Variants in SYN3 observed in about 807,000 individuals in gnomAD.
SYN3 encodes synapsin-3.
SYN3 carries 35 observed loss-of-function variants against 65.8 expected under a neutral mutation model. That is an observed-to-expected ratio of 0.53 (90% CI 0.41 to 0.70). The LOEUF is 0.70. Ranked by LOEUF, SYN3 falls within the 30% of genes least tolerant of loss-of-function variation. SYN3 has a pLI of 0.00. For synonymous variants in SYN3, 270 were observed against 292.9 expected, an observed-to-expected ratio of 0.92 and a Z score of 0.80; for missense variants, 680 against 749.0, an observed-to-expected ratio of 0.91 and a Z score of 1.08.
chr22:32,744,009 C>T (rs537256834), intron 6 of SYN3, among the ~76,000 whole-genome samples: 19 of 152,194 alleles, frequency 1.2e-4, no homozygotes, highest in African/African-American at 2.6e-4. Flanking sequence ...CCACACCAGC[C>T]GGGTGGAGGG....
chr22:32,565,122 C>T (rs541606290), intron 7 of SYN3, among the ~76,000 whole-genome samples: 3 of 150,638 alleles, frequency 2.0e-5, no homozygotes, highest in African/African-American at 2.4e-5. Context: ...ACAGTGCTCC[C>T]GGACTGCACC....
Position 32,528,510 on chromosome 22 carries a change from CT to C in SYN3, c.1230+363del, listed in dbSNP as rs2058019075. ...TGGTTCCCTGGGAGCACACAGAGGG[CT>C]TGTGTGTCCATATGCTCTCGCACAC... On this transcript the variant is annotated intron_variant, in intron 11 of 13. Transcript: ENST00000358763. Among the ~76,000 whole-genome samples, 10 of 152,194 alleles carry C rather than the reference CT, an allele frequency of 6.6e-5. No homozygotes were observed. In the South Asian group the frequency reaches 2.1e-3, roughly 32 times the overall value.
intron 7 of SYN3, among the ~76,000 whole-genome samples, chr22:32,542,946 C>G (rs375446309): frequency 9.9e-5 from 15 of 152,216 alleles, no homozygotes; most frequent in African/African-American, 3.4e-4. Flanking sequence ...TCCCCACTTC[C>G]CTGTCACCCT....
chr22:32,868,530 T>A (rs1298051216), intron 5 of SYN3, among the ~76,000 whole-genome samples: 1 of 151,854 alleles, frequency 6.6e-6, no homozygotes, highest in East Asian at 1.9e-4. Context: ...AACCTCCGCC[T>A]CCCGGGTTCA....
At chr22:32,564,953 CTGG>C (rs2146375311) in intron 7 of SYN3, among the ~76,000 whole-genome samples, 1 of 91,512 alleles carries the variant, frequency 1.1e-5, no homozygotes. Flanking sequence ...AACAGTGCTC[CTGG>C]ACTGCACCCA....
chr22:32,858,615 G>C (rs574162127), intron 6 of SYN3, among the ~76,000 whole-genome samples: 454 of 152,278 alleles, frequency 3.0e-3, no homozygotes, highest in African/African-American at 0.01. Context: ...CCCAAGTATA[G>C]GGCCAAGGTG....
Position 32,937,965 on chromosome 22 carries a change from C to G in SYN3, c.370-6484G>C, listed in dbSNP as rs1382454846. Among the ~76,000 whole-genome samples the G allele has an allele frequency of 2.0e-5, 3 of 151,996 alleles. No individual in the cohort carries two copies. The East Asian group carries it at 5.8e-4, about 29-fold the overall frequency. ...AGAGGTAGGGACAGAAAATTTAAAA[C>G]AAAATGGCCAAAGTTTTTCTACATT... On this transcript the variant is annotated intron_variant, in intron 3 of 13. Transcript: ENST00000358763.
rs571046569 is a variant in SYN3 at position 32,574,293 on chromosome 22, A to G, written c.774+22381T>C. 7.9e-5 allele frequency among the ~76,000 whole-genome samples: 12 copies of G among 152,182 alleles called. No individual in the cohort carries two copies. The South Asian group carries it at 2.5e-3, about 32-fold the overall frequency. On this transcript the variant is annotated intron_variant, in intron 7 of 13. Coordinates refer to ENST00000358763, the MANE Select transcript of SYN3 (RefSeq NM_003490.4). ...CCAGGAGTGTAAGATCACCCTGGAC[A>G]ACATAGTGAGACCCTGTCTCTAACA... is the stretch of plus-strand genomic sequence containing the variant.
chr22:32,578,070 G>C (rs1206414245), intron 7 of SYN3, among the ~76,000 whole-genome samples: 2 of 152,216 alleles, frequency 1.3e-5, no homozygotes, highest in Non-Finnish European at 2.9e-5. Flanking sequence ...ATAGTGCCTG[G>C]CATGTACAAA....
chr22:32,823,244 G>A (rs1404849194), intron 6 of SYN3, among the ~76,000 whole-genome samples: 3 of 152,200 alleles, frequency 2.0e-5, no homozygotes, highest in Admixed American at 2.0e-4. Context: ...GGACTTGTAA[G>A]TCCCGTGGTC....
At chr22:32,916,985 T>G (rs2050202226) in intron 4 of SYN3, among the ~76,000 whole-genome samples, 1 of 152,170 alleles carries the variant, frequency 6.6e-6, no homozygotes, top group African/African-American at 2.4e-5. Flanking sequence ...CCCCCAACTC[T>G]TCTCCCCATG....
chr22:32,694,445 C>G (rs559145109), intron 6 of SYN3, among the ~76,000 whole-genome samples: 2 of 152,316 alleles, frequency 1.3e-5, no homozygotes, highest in African/African-American at 4.8e-5. Context: ...TTACTTTCTA[C>G]AGCTTTTCTA....
chr22:32,783,921 C>G (rs905862341), intron 6 of SYN3, among the ~76,000 whole-genome samples: 4 of 152,208 alleles, frequency 2.6e-5, no homozygotes, highest in Non-Finnish European at 5.9e-5. Flanking sequence ...CTTGAACTAT[C>G]TGTGCCTCAG....
intron 2 of SYN3, among the ~76,000 whole-genome samples, chr22:32,995,176 G>A (rs1175782001): frequency 6.6e-6 from 1 of 152,176 alleles, no homozygotes; most frequent in African/African-American, 2.4e-5. Context: ...TCTGAGAATG[G>A]GGTCAATAGG....
chr22:32,856,308 T>C (rs936890350), intron 6 of SYN3, among the ~76,000 whole-genome samples: 2 of 151,938 alleles, frequency 1.3e-5, no homozygotes, highest in African/African-American at 4.8e-5. Context: ...TGTGGGGCAG[T>C]TGGAATGGGG....
chr22:33,014,693 T>C (rs2053426821), intron 1 of SYN3, among the ~76,000 whole-genome samples: 1 of 151,976 alleles, frequency 6.6e-6, no homozygotes, highest in Non-Finnish European at 1.5e-5. Context: ...GGCAGGAGAA[T>C]CGCTTGAACC....
chr22:32,509,198 G>A lies in SYN3; in HGVS notation c.*4494C>T, dbSNP rs1465196256. 6.6e-6 allele frequency among the ~76,000 whole-genome samples: 1 copy of A among 152,172 alleles called. No homozygotes were observed. The highest frequency in any genetic ancestry group is 6.5e-5 in the Admixed American group (1 of 15,286). ...GATCTGGAAGAACTTTTCTGTGGCT[G>A]GTAGAGCTGTCCGCTAAGGCTGCGT... On this transcript the variant is annotated 3_prime_UTR_variant, in exon 14 of 14. Coordinates refer to ENST00000358763, the MANE Select transcript of SYN3 (RefSeq NM_003490.4).
intron 12 of SYN3, among the ~76,000 whole-genome samples, chr22:32,526,703 T>C (rs1317611742): frequency 6.6e-6 from 1 of 152,078 alleles, no homozygotes; most frequent in African/African-American, 2.4e-5. Flanking sequence ...GTATTTTTAG[T>C]ACTGATGGGG....
At chr22:32,602,481 G>A (rs185035255) in intron 6 of SYN3, among the ~76,000 whole-genome samples, 181 of 152,028 alleles carry the variant, frequency 1.2e-3, no homozygotes, top group African/African-American at 4.2e-3. Context: ...TTTGTTTTTG[G>A]AGACAGAGTC....
Sources: allele counts gnomAD v4.1 joint callset (sites outside exome capture counted in the v4.1 genomes callset), GRCh38; gene constraint gnomAD v4.1.1; transcripts MANE v1.5; gene names NCBI Gene and HGNC (gene_info 2026-07-23, HGNC 2026-07-21).